The following RPL11 variants were observed in gnomAD, a reference collection of about 807,000 sequenced individuals.
The protein encoded by RPL11 is ribosomal protein L11, also known as large ribosomal subunit protein uL5.
RPL11 carries 3 observed loss-of-function variants against 24.1 expected under a neutral mutation model. The ratio of observed to expected loss-of-function variants is 0.12; its 90% CI spans 0.06 to 0.32. RPL11 has a LOEUF of 0.32. RPL11 is among the 10% of genes least tolerant of loss of function. RPL11 has a pLI of 1.00. For missense variants in RPL11, 146 were observed against 225.7 expected (o/e 0.65, Z 2.26); for synonymous variants, 96 against 75.7 (o/e 1.27, Z -1.39).
At chr1:23,693,283 T>G (rs2124429614) in intron 2 of RPL11, among the ~76,000 whole-genome samples, 1 of 152,306 alleles carries the variant, frequency 6.6e-6, no homozygotes, top group South Asian at 2.1e-4. Context: ...AGGGTAATAC[T>G]TTATAATTGT....
At chr1:23,694,223 T>TG (rs1044100896) in intron 3 of RPL11, among the ~76,000 whole-genome samples, 26 of 151,992 alleles carry the variant, frequency 1.7e-4, no homozygotes, top group African/African-American at 6.3e-4. Flanking sequence ...TAAAAAAAGA[T>TG]AAAAATTAGC....
At chr1:23,692,326 CTT>C in intron 1 of RPL11, 2 of 451,164 alleles carry the variant, frequency 4.4e-6, no homozygotes, top group South Asian at 4.6e-5. Flanking sequence ...TGGGGGCGCT[CTT>C]TGTTACCCTG....
At position 23,692,657 on chromosome 1, in the gene RPL11, A is replaced by G. The variant is rs751923002; in HGVS notation, c.55A>G (p.Lys19Glu). The G allele has an allele frequency of 1.2e-6, 2 of 1,614,226 alleles. No individual in the cohort carries two copies. Among genetic ancestry groups the G allele is most frequent in the Non-Finnish European group, 1.7e-6 (2 of 1,180,050 alleles). ...ENPMRELRIR[K>E]LCLNICVGES... is the part of the protein sequence containing the mutation. ...CCCCATGCGGGAACTTCGCATCCGC[A>G]AACTCTGTCTCAACATCTGTGTTGG... The change falls in exon 2 of 6, where the codon AAA (lysine) becomes GAA (glutamate). Residue 19 changes from lysine (K) to glutamate (E), a missense_variant. Lys to Glu is a moderately conservative substitution (Grantham distance 56). Transcript: ENST00000643754.
chr1:23,694,625 G>A, intron 3 of RPL11, 35 bp from the exon 4 acceptor site: 1 of 1,613,112 alleles, frequency 6.2e-7, no homozygotes, highest in South Asian at 1.1e-5. Context: ...AGTTGAAGAT[G>A]ACAAGGAATG....
intron 1 of RPL11, 22 bp from the exon 2 acceptor site, chr1:23,692,587 C>A: frequency 6.2e-7 from 1 of 1,614,074 alleles, no homozygotes; most frequent in Non-Finnish European, 8.5e-7. Flanking sequence ...AGTGTATTGA[C>A]TGCTGCTCTT....
At position 23,694,722 on chromosome 1, in the gene RPL11, C is replaced by A. The variant is rs1570568217; in HGVS notation, c.327C>A (p.Ile109=). 4 of 1,614,114 alleles carry A rather than the reference C, an allele frequency of 2.5e-6. No individual in the cohort carries two copies. The highest frequency in any genetic ancestry group is 1.6e-4 in the Middle Eastern group (1 of 6,062). ...ATACTGGAAACTTTGGTTTTGGGATCCAGGAACACATCGATCTGGGTATCA... is the reference window on the plus strand; with the variant it reads ...ATACTGGAAACTTTGGTTTTGGGATACAGGAACACATCGATCTGGGTATCA... ...FSDTGNFGFG[I]QEHIDLGIKY... The change falls in exon 4 of 6, where the codon ATC becomes ATA. Residue 109 remains isoleucine (I), a synonymous_variant. Coordinates refer to ENST00000643754, the MANE Select transcript of RPL11 (RefSeq NM_000975.5).
At chr1:23,694,967 TCTGAACAAGGTGGACAAGA>T in intron 4 of RPL11, 176 bp downstream of exon 4, 2 of 939,764 alleles carry the variant, frequency 2.1e-6, no homozygotes, top group Non-Finnish European at 3.3e-6. Flanking sequence ...GGGGTGCAGC[TCTGAACAAGGTGGACAAGA>T]TCCCTGCTGT....
rs563892242 is a variant in RPL11, at chr1:23,694,089, T to A, written c.264+176T>A. ...CTGTTCTTGGTGGTTTAAAAGATGC[T>A]TGAGGCTGGGCACGGTGGCTCAACG... is the stretch of plus-strand genomic sequence containing the variant. On this transcript the variant is annotated intron_variant, in intron 3 of 5. Coordinates refer to ENST00000643754, the MANE Select transcript of RPL11 (RefSeq NM_000975.5). Among the ~76,000 whole-genome samples, 16 of 152,330 alleles carry A rather than the reference T, an allele frequency of 1.1e-4. No individual in the cohort carries two copies. In the South Asian group the frequency reaches 2.9e-3, roughly 28 times the overall value.
At position 23,695,882 on chromosome 1, in the gene RPL11, G is replaced by A; in HGVS notation, c.481G>A (p.Glu161Lys). ...GGCCAAACACAGAATCAGCAAAGAGGAGGCCATGCGCTGGTTCCAGCAGAA... is the reference window on the plus strand; with the variant it reads ...GGCCAAACACAGAATCAGCAAAGAGAAGGCCATGCGCTGGTTCCAGCAGAA... ...IGAKHRISKE[E>K]AMRWFQQKYD... The change falls in exon 5 of 6, where the codon GAG becomes AAG. Residue 161 changes from glutamate to lysine, a missense_variant. Coordinates refer to ENST00000643754, the MANE Select transcript of RPL11 (RefSeq NM_000975.5). 6.3e-7 allele frequency: 1 copy of A among 1,592,178 alleles called. No individual in the cohort carries two copies.
intron 5 of RPL11, 109 bp downstream of exon 5, chr1:23,696,017 TTAGAATA>T (rs1476436416): frequency 8.9e-7 from 1 of 1,123,908 alleles, no homozygotes; most frequent in African/African-American, 1.5e-5. Flanking sequence ...TTCTTTAAAG[TTAGAATA>T]TTGGGCATCT....
intron 4 of RPL11, 63 bp from the exon 5 acceptor site, chr1:23,695,733 TGA>T: frequency 7.2e-7 from 1 of 1,389,306 alleles, no homozygotes; most frequent in Admixed American, 2.0e-5. Context: ...CTGTAATGTG[TGA>T]GTCTTGTCCA....
chr1:23,691,791 C>T (rs368612766), upstream of RPL11: 7 of 1,614,046 alleles, frequency 4.3e-6, no homozygotes, highest in Admixed American at 1.7e-5. Flanking sequence ...GGCCCTCGGC[C>T]GGAAGCTCCG....
chr1:23,696,454 T>G lies in RPL11; in HGVS notation c.*81T>G. 1 of 1,423,522 alleles carries G rather than the reference T, an allele frequency of 7.0e-7. No individual in the cohort carries two copies. The highest frequency in any genetic ancestry group is 9.9e-7 in the Non-Finnish European group (1 of 1,010,348). The allele number at this position is 1,423,522 out of a possible 1,614,324, so 88.2% of individuals were successfully genotyped here. On this transcript the variant is annotated 3_prime_UTR_variant, in exon 6 of 6. Coordinates refer to ENST00000643754, the MANE Select transcript of RPL11 (RefSeq NM_000975.5). Reference sequence around the variant, plus strand: ...TGTTGTGTGTTCTGTGAAAGGATCCTGGCCATATTCAAGTCCTTGGACCTC... The same window carrying G: ...TGTTGTGTGTTCTGTGAAAGGATCCGGGCCATATTCAAGTCCTTGGACCTC...
intron 1 of RPL11, 165 bp from the exon 2 acceptor site, chr1:23,692,444 C>A: frequency 6.4e-6 from 5 of 786,592 alleles, no homozygotes; most frequent in South Asian, 4.9e-5. Flanking sequence ...AGGTTCCGAG[C>A]TGTCTTCTTC....
intron 2 of RPL11, 89 bp from the exon 3 acceptor site, chr1:23,693,718 C>G: frequency 1.1e-6 from 1 of 877,208 alleles, no homozygotes; most frequent in Non-Finnish European, 1.9e-6. Context: ...CTTAATGTCT[C>G]TTTAAGTCAT....
At position 23,696,550 on chromosome 1, in the gene RPL11, C is replaced by A. The variant is rs1644533840; in HGVS notation, c.*177C>A. The A allele has an allele frequency of 3.0e-6, 2 of 673,146 alleles. No individual in the cohort carries two copies. The highest frequency in any genetic ancestry group is 4.5e-5 in the Admixed American group (2 of 44,936). The allele number at this position is 673,146 out of a possible 1,614,324, so 41.7% of individuals were successfully genotyped here. A position where few individuals can be genotyped will look rare whatever the true frequency, so the allele number is the denominator to read the frequency against. On this transcript the variant is annotated 3_prime_UTR_variant, in exon 6 of 6. Coordinates refer to ENST00000643754, the MANE Select transcript of RPL11 (RefSeq NM_000975.5). ...ATCCTCTGATTGGATGCCAGTATTT[C>A]CTGGCAGATCCAAGTCCAAGCTTCA...
At chr1:23,694,888 C>G (rs1644523996) in intron 4 of RPL11, 97 bp downstream of exon 4, 1 of 1,570,724 alleles carries the variant, frequency 6.4e-7, no homozygotes, top group African/African-American at 1.4e-5. Flanking sequence ...TGAGTTGCAG[C>G]TTTGAATATT....
At position 23,695,417 on chromosome 1, in the gene RPL11, G is replaced by A; in HGVS notation, c.397-381G>A. The A allele has an allele frequency of 1.7e-5, 5 of 300,242 alleles. No homozygotes were observed. In the South Asian group the frequency reaches 1.7e-4, roughly 10 times the overall value. 18.6% of individuals were successfully genotyped at this position (300,242 alleles called of 1,614,324 possible). On this transcript the variant is annotated intron_variant, in intron 4 of 5. Coordinates refer to ENST00000643754, the MANE Select transcript of RPL11 (RefSeq NM_000975.5). ...TGGGAAGCATTTTTGAGCTGAAGCA[G>A]AAGGAAGAAAATATATATATTTGTG...
chr1:23,695,542 G>T lies in RPL11; in HGVS notation c.397-256G>T, dbSNP rs1042858743. The T allele has an allele frequency of 1.1e-5, 6 of 528,676 alleles. No homozygotes were observed. The African/African-American group carries it at 1.2e-4, about 10-fold the overall frequency. 32.7% of individuals were successfully genotyped at this position (528,676 alleles called of 1,614,324 possible). On this transcript the variant is annotated intron_variant, in intron 4 of 5. Transcript: ENST00000643754. ...TGGAGATTTGGGAGCAGTAATGGAG[G>T]ATCCTCAGCACCACTGGAAAATAGG...
Sources: gnomAD v4.1 joint callset for allele counts (sites outside exome capture counted in the v4.1 genomes callset) on GRCh38, gnomAD v4.1.1 for gene constraint, MANE v1.5 for transcripts, NCBI Gene and HGNC (gene_info 2026-07-23, HGNC 2026-07-21) for gene names.